Variants in CDH11 observed in about 807,000 individuals in gnomAD.
CDH11 encodes the protein cadherin-11.
In CDH11, 11 loss-of-function variants were observed where a neutral mutation model predicts 67.8. The ratio of observed to expected loss-of-function variants is 0.16; its 90% confidence interval spans 0.10 to 0.27. CDH11 has a LOEUF of 0.27. CDH11 is among the 10% of genes least tolerant of loss of function. CDH11 has a pLI of 1.00. For synonymous variants in CDH11, 419 were observed against 400.0 expected, an observed-to-expected ratio of 1.05 and a Z score of -0.57; for missense variants, 847 against 1,031.2, an observed-to-expected ratio of 0.82 and a Z score of 2.45.
At chr16:65,041,706 C>A (rs991688804) in intron 2 of CDH11, among the ~76,000 whole-genome samples, 7 of 152,200 alleles carry the variant, frequency 4.6e-5, no homozygotes, top group African/African-American at 1.4e-4. Flanking sequence ...GGCTTTTATT[C>A]TCCGCGTTTG....
rs1163506930 is a variant in CDH11, at chr16:65,121,022, G to C, written c.-298+858C>G. 6.6e-6 allele frequency among the ~76,000 whole-genome samples: 1 copy of C among 152,210 alleles called. No homozygotes were observed. Among genetic ancestry groups the C allele is most frequent in the Non-Finnish European group, 1.5e-5 (1 of 68,040 alleles). ...CAGAGCGCAGGGAGGGAGGCCGTGCGTGCCGGGAGCTAGAGAGGCTTGGCG... is the reference window on the plus strand; with the variant it reads ...CAGAGCGCAGGGAGGGAGGCCGTGCCTGCCGGGAGCTAGAGAGGCTTGGCG... On this transcript the variant is annotated intron_variant, in intron 1 of 12. Coordinates refer to ENST00000268603, the MANE Select transcript of CDH11 (RefSeq NM_001797.4). This position sits in a 1 kb window ranked among gnomAD's most constrained non-coding sequence, Gnocchi z 4.1.
intron 1 of CDH11, among the ~76,000 whole-genome samples, chr16:65,079,576 T>C (rs534039973): frequency 2.0e-5 from 3 of 152,322 alleles, no homozygotes; most frequent in South Asian, 2.1e-4. Context: ...TAGGTTTTAA[T>C]GCTTAAACTC....
rs938594650 is a variant in CDH11, at chr16:64,945,629, G to A, written c.*1974C>T. 103 of 1,035,574 alleles carry A rather than the reference G, an allele frequency of 9.9e-5. No homozygotes were observed. In the Middle Eastern group the frequency reaches 2.2e-3, roughly 22 times the overall value. The allele number at this position is 1,035,574 out of a possible 1,614,324, so 64.1% of individuals were successfully genotyped here. ...CTGCAATTATGGAAGTATTGAGAAT[G>A]TGTAATCCTTCACTGAGATGAAAGA... On this transcript the variant is annotated 3_prime_UTR_variant, in exon 13 of 13. Transcript: ENST00000268603.
chr16:65,037,189 A>G (rs1220743924), intron 2 of CDH11, among the ~76,000 whole-genome samples: 1 of 152,216 alleles, frequency 6.6e-6, no homozygotes, highest in Non-Finnish European at 1.5e-5. Context: ...TTCAATTTCC[A>G]TCTTCTGATG....
intron 1 of CDH11, among the ~76,000 whole-genome samples, chr16:65,078,814 G>A (rs970939072): frequency 6.6e-6 from 1 of 152,154 alleles, no homozygotes; most frequent in African/African-American, 2.4e-5. Context: ...AGGGAACCAT[G>A]TGCAACTAAT....
rs541533378 is a variant in CDH11 at position 65,010,926 on chromosome 16, C to T, written c.-172-5885G>A. On this transcript the variant is annotated intron_variant, in intron 2 of 12. Coordinates refer to ENST00000268603, the MANE Select transcript of CDH11 (RefSeq NM_001797.4). ...GGTACATATTATTTTATTGCATTTT[C>T]ACCACAACTGCATATATATGTGTGA... Among the ~76,000 whole-genome samples, 17 of 147,014 alleles carry T rather than the reference C, an allele frequency of 1.2e-4. No individual in the cohort carries two copies. In the South Asian group the frequency reaches 3.2e-3, roughly 28 times the overall value.
chr16:64,964,706 A>T (rs2071762596), intron 11 of CDH11, among the ~76,000 whole-genome samples: 1 of 151,316 alleles, frequency 6.6e-6, no homozygotes, highest in Non-Finnish European at 1.5e-5. Flanking sequence ...CCGCCACCAC[A>T]CCCGGATAAT....
chr16:65,082,366 A>G (rs1212019989), intron 1 of CDH11, among the ~76,000 whole-genome samples: 1 of 152,210 alleles, frequency 6.6e-6, no homozygotes, highest in Non-Finnish European at 1.5e-5. Context: ...TAGGAAGGTG[A>G]ACAGCTGGTT....
At chr16:65,098,983 A>T (rs2074944882) in intron 1 of CDH11, among the ~76,000 whole-genome samples, 1 of 152,208 alleles carries the variant, frequency 6.6e-6, no homozygotes, top group Non-Finnish European at 1.5e-5. Flanking sequence ...TATTGAGCAG[A>T]GAACCTGAAA....
intron 1 of CDH11, among the ~76,000 whole-genome samples, chr16:65,065,228 C>G (rs879336653): frequency 6.6e-6 from 1 of 152,136 alleles, no homozygotes; most frequent in Non-Finnish European, 1.5e-5. Context: ...AAGACTCACC[C>G]GGCCCACTCT....
At position 64,964,532 on chromosome 16, in the gene CDH11, CTTATTTAT is replaced by C. The variant is rs200524342; in HGVS notation, c.1642+7039_1642+7046del. 1.3e-3 allele frequency among the ~76,000 whole-genome samples: 197 copies of C among 151,244 alleles called. 1 individual carries two copies. The East Asian group carries it at 0.014, about 11-fold the overall frequency. ...GGACGTTACCTTACACTACTGTAGA[CTTATTTAT>C]TTATTTATTTATTTATTTATTATTT... On this transcript the variant is annotated intron_variant, in intron 11 of 12. Transcript: ENST00000268603.
At chr16:65,012,671 A>T (rs1200814685) in intron 2 of CDH11, among the ~76,000 whole-genome samples, 2 of 152,154 alleles carry the variant, frequency 1.3e-5, no homozygotes, top group African/African-American at 2.4e-5. Context: ...CACCCTACTG[A>T]TCTGTTCCTG....
At chr16:64,989,814 T>C (rs1465726484) in intron 6 of CDH11, among the ~76,000 whole-genome samples, 1 of 152,198 alleles carries the variant, frequency 6.6e-6, no homozygotes, top group Non-Finnish European at 1.5e-5. Context: ...GGGTTGAAAA[T>C]CTTTCCTCTA....
chr16:65,024,654 AC>A (rs2073496434), intron 2 of CDH11, among the ~76,000 whole-genome samples: 1 of 152,152 alleles, frequency 6.6e-6, no homozygotes, highest in South Asian at 2.1e-4. Context: ...GGTACTAAAA[AC>A]CCTCATCTGA....
intron 3 of CDH11, among the ~76,000 whole-genome samples, chr16:64,999,324 T>C (rs776906031): frequency 6.6e-6 from 1 of 152,178 alleles, no homozygotes; most frequent in Non-Finnish European, 1.5e-5. Context: ...ATAAGAGATA[T>C]TCTATTCTAT....
At chr16:64,976,340 G>A (rs1337330756) in intron 8 of CDH11, among the ~76,000 whole-genome samples, 1 of 152,098 alleles carries the variant, frequency 6.6e-6, no homozygotes, top group East Asian at 1.9e-4. Context: ...GAAAACTAAA[G>A]GGAGATAATA....
intron 2 of CDH11, among the ~76,000 whole-genome samples, chr16:65,037,600 C>T (rs1313922594): frequency 6.6e-6 from 1 of 151,984 alleles, no homozygotes; most frequent in Non-Finnish European, 1.5e-5. Context: ...TTGTAATAAC[C>T]ACCCTCCTCT....
At chr16:65,117,114 A>G (rs2075257637) in intron 1 of CDH11, among the ~76,000 whole-genome samples, 1 of 152,252 alleles carries the variant, frequency 6.6e-6, no homozygotes, top group Non-Finnish European at 1.5e-5. Context: ...ATGGTAAGTG[A>G]ACGTCAGTTT....
At chr16:65,035,597 G>T (rs2073738298) in intron 2 of CDH11, among the ~76,000 whole-genome samples, 1 of 152,190 alleles carries the variant, frequency 6.6e-6, no homozygotes. Context: ...TGAATGCCAG[G>T]AGTGTGCGTT....
Sources: allele counts gnomAD v4.1 joint callset (sites outside exome capture counted in the v4.1 genomes callset), GRCh38; gene constraint gnomAD v4.1.1; non-coding constraint Gnocchi (gnomAD v3.1); transcripts MANE v1.5; gene names NCBI Gene and HGNC (gene_info 2026-07-23, HGNC 2026-07-21).